Variants in CARM1 observed in about 807,000 individuals in gnomAD.
The protein encoded by CARM1 is coactivator associated arginine methyltransferase 1.
A neutral mutation model predicts 72.7 loss-of-function variants in CARM1; 14 were observed. The observed-to-expected ratio is 0.19, with a 90% CI of 0.13 to 0.30. CARM1 has a LOEUF of 0.30. Among genes scored for constraint, CARM1 ranks in the 10% least tolerant of loss-of-function variants. The probability of loss-of-function intolerance (pLI) is 1.00; values close to 1 mark genes in which losing one functional copy is unlikely to be tolerated. For synonymous variants in CARM1, 333 were observed against 345.5 expected (o/e 0.96, Z 0.40); for missense variants, 432 against 833.7 (o/e 0.52, Z 5.93).
chr19:10,907,856 G>A (rs2074116286), intron 2 of CARM1, among the ~76,000 whole-genome samples, 183 bp from the exon 3 acceptor site: 1 of 152,218 alleles, frequency 6.6e-6, no homozygotes, highest in Non-Finnish European at 1.5e-5. Flanking sequence ...CCACAGTGCA[G>A]GCATGGCTGC....
At chr19:10,885,547 G>C (rs942950975) in intron 1 of CARM1, among the ~76,000 whole-genome samples, 1 of 152,222 alleles carries the variant, frequency 6.6e-6, no homozygotes. Context: ...CAGTGCTCTC[G>C]TGAAAGAGGG....
chr19:10,898,995 G>A (rs1452950285), intron 1 of CARM1, among the ~76,000 whole-genome samples: 1 of 152,096 alleles, frequency 6.6e-6, no homozygotes, highest in African/African-American at 2.4e-5. Context: ...CAGAGGCTCG[G>A]GAGTCTCCTG....
chr19:10,882,149 T>C (rs144572666), intron 1 of CARM1, among the ~76,000 whole-genome samples: 1 of 152,266 alleles, frequency 6.6e-6, no homozygotes, highest in East Asian at 1.9e-4. Context: ...TCGTCTACCC[T>C]AGAGGGTTGT....
intron 3 of CARM1, 83 bp from the exon 4 acceptor site, chr19:10,909,020 C>G: frequency 9.5e-7 from 1 of 1,049,722 alleles, no homozygotes; most frequent in Non-Finnish European, 1.5e-6. Context: ...TAGATGGCCC[C>G]TTGCTCTATC....
In CARM1 at chr19:10,923,010, C is replaced by T. The variant is rs1019235370; in HGVS notation, c.*1253C>T. 6.0e-5 allele frequency: 19 copies of T among 317,914 alleles called. No homozygotes were observed. The highest frequency in any genetic ancestry group is 3.3e-4 in the African/African-American group (15 of 44,800). 19.7% of individuals were successfully genotyped at this position (317,914 alleles called of 1,614,324 possible). ...GCTCCCTGCTCGGCTGCCCCTCGCC[C>T]GCCTTTATATAAATTCTCTGAATCA... On this transcript the variant is annotated 3_prime_UTR_variant, in exon 16 of 16. Coordinates refer to ENST00000327064, the MANE Select transcript of CARM1 (RefSeq NM_199141.2).
In CARM1 at chr19:10,921,373, A is replaced by G; in HGVS notation, c.1616-2A>G. On this transcript the variant is annotated splice_acceptor_variant, in intron 14 of 15. Coordinates refer to ENST00000327064, the MANE Select transcript of CARM1 (RefSeq NM_199141.2). LOFTEE classifies it high-confidence loss of function. ...CCTTCTTTCCTCCCTCTCGCTGCGC[A>G]GCCAACACGGGGATTGTCAATCACA... is the stretch of plus-strand genomic sequence containing the variant. 2 of 1,610,496 alleles carry G rather than the reference A, an allele frequency of 1.2e-6. No homozygotes were observed. The highest frequency in any genetic ancestry group is 2.2e-5 in the East Asian group (1 of 44,848).
chr19:10,913,851 G>GC lies in CARM1; in HGVS notation c.670-23dup, dbSNP rs771291442. On this transcript the variant is annotated intron_variant, in intron 5 of 15. Coordinates refer to ENST00000327064, the MANE Select transcript of CARM1 (RefSeq NM_199141.2). ...CCCCATGGCAGGAAGACGCAGGGAA[G>GC]CCCACATGGCCCTGCCCGCCTGCAG... is the stretch of plus-strand genomic sequence containing the variant. The GC allele has an allele frequency of 3.7e-6, 6 of 1,602,150 alleles. 1 individual carries two copies. The African/African-American group carries it at 6.7e-5, about 18-fold the overall frequency.
At chr19:10,893,000 G>A (rs1480517776) in intron 1 of CARM1, among the ~76,000 whole-genome samples, 1 of 152,064 alleles carries the variant, frequency 6.6e-6, no homozygotes, top group African/African-American at 2.4e-5. Flanking sequence ...CTCCCAAAGT[G>A]GTGGGATTAC....
At chr19:10,914,100 T>G (rs1599708082) in intron 6 of CARM1, 46 bp downstream of exon 6, 1 of 1,537,008 alleles carries the variant, frequency 6.5e-7, no homozygotes. Context: ...GTGGAGGCCC[T>G]GGCTGCCGCT....
chr19:10,921,611 A>G lies in CARM1; in HGVS notation c.1685-4A>G. ...GCCCCTCACTGCCATTGCCTGCTCC[A>G]CAGGGTCCTCCGGCGCCCAGGGCAG... On this transcript the variant is annotated splice_region_variant and splice_polypyrimidine_tract_variant and intron_variant, in intron 15 of 15. Transcript: ENST00000327064. 6.2e-7 allele frequency: 1 copy of G among 1,608,922 alleles called. No homozygotes were observed. The highest frequency in any genetic ancestry group is 2.2e-5 in the East Asian group (1 of 44,742).
chr19:10,874,361 G>A (rs542634201), intron 1 of CARM1, among the ~76,000 whole-genome samples: 66 of 151,190 alleles, frequency 4.4e-4, no homozygotes, highest in Middle Eastern at 6.8e-3. Flanking sequence ...ACACTTTTTT[G>A]TTTTTTTTCT....
chr19:10,899,575 C>T (rs2074048949), intron 1 of CARM1, among the ~76,000 whole-genome samples: 1 of 152,096 alleles, frequency 6.6e-6, no homozygotes, highest in Non-Finnish European at 1.5e-5. Context: ...CCATGCCCTG[C>T]CCTCAGGAGG....
At chr19:10,902,544 C>T (rs188471733) in intron 1 of CARM1, among the ~76,000 whole-genome samples, 96 of 151,332 alleles carry the variant, frequency 6.3e-4, no homozygotes, top group Non-Finnish European at 1.1e-3. Context: ...CTCCTGACCT[C>T]GTGATCCACC....
chr19:10,875,641 G>A (rs905662603), intron 1 of CARM1, among the ~76,000 whole-genome samples: 19 of 152,144 alleles, frequency 1.2e-4, no homozygotes, highest in Middle Eastern at 6.8e-3. Context: ...AGCCAGGATG[G>A]TCTCCATCTC....
At chr19:10,897,058 A>C (rs994622203) in intron 1 of CARM1, among the ~76,000 whole-genome samples, 3 of 152,226 alleles carry the variant, frequency 2.0e-5, no homozygotes, top group Non-Finnish European at 4.4e-5. Flanking sequence ...CAGATTCCCC[A>C]GGAAGCACAC....
rs1339227090 is a variant in CARM1, at chr19:10,916,379, C to T, written c.848-28C>T. 6.6e-7 allele frequency: 1 copy of T among 1,519,200 alleles called. No homozygotes were observed. Among genetic ancestry groups the T allele is most frequent in the Admixed American group, 1.7e-5 (1 of 59,780 alleles). 94.1% of individuals were successfully genotyped at this position (1,519,200 alleles called of 1,614,324 possible). A position where few individuals can be genotyped will look rare whatever the true frequency, so the allele number is the denominator to read the frequency against. ...GCAGTGTGGGATGTGTCACCTGACG[C>T]CAGCACCCCTCCCTGCCCCACTCCC... On this transcript the variant is annotated intron_variant, in intron 6 of 15. Transcript: ENST00000327064. The surrounding 1 kb of genome is among the most constrained non-coding windows in gnomAD (Gnocchi z 4.4).
chr19:10,873,730 C>G (rs2073839857), intron 1 of CARM1, among the ~76,000 whole-genome samples: 1 of 140,962 alleles, frequency 7.1e-6, no homozygotes, highest in South Asian at 2.4e-4. Context: ...AGCTCTGCCA[C>G]CTGGGTTCAC....
chr19:10,892,089 C>T (rs1307336640), intron 1 of CARM1, among the ~76,000 whole-genome samples: 1 of 152,136 alleles, frequency 6.6e-6, no homozygotes, highest in African/African-American at 2.4e-5. Flanking sequence ...CGTTGTGGCT[C>T]GATCATTTAA....
At chr19:10,897,110 G>T (rs1261696731) in intron 1 of CARM1, among the ~76,000 whole-genome samples, 2 of 152,208 alleles carry the variant, frequency 1.3e-5, no homozygotes, top group African/African-American at 2.4e-5. Flanking sequence ...GTCAGCCAAG[G>T]CCTGCTCTAG....
Sources: allele counts gnomAD v4.1 joint callset (sites outside exome capture counted in the v4.1 genomes callset), GRCh38; gene constraint gnomAD v4.1.1; non-coding constraint Gnocchi (gnomAD v3.1); transcripts MANE v1.5; gene names NCBI Gene and HGNC (gene_info 2026-07-23, HGNC 2026-07-21).